Variants in IPO11 observed in about 807,000 individuals in gnomAD.
IPO11 encodes the protein importin-11.
Under a neutral mutation model 143.2 loss-of-function variants are expected in IPO11, and 66 were observed. The observed-to-expected ratio is 0.46, with a 90% confidence interval of 0.38 to 0.57. IPO11 has a LOEUF of 0.57. IPO11 is among the 20% of genes least tolerant of loss of function. The pLI, the probability that IPO11 is intolerant of heterozygous loss-of-function variation, is 0.00. For missense variants in IPO11, 1,026 were observed against 1,141.0 expected (o/e 0.90, Z 1.45); for synonymous variants, 385 against 377.8 (o/e 1.02, Z -0.22).
chr5:62,421,416 G>A (rs2112097047), intron 1 of IPO11, among the ~76,000 whole-genome samples: 1 of 152,230 alleles, frequency 6.6e-6, no homozygotes, highest in Non-Finnish European at 1.5e-5. Flanking sequence ...ATGTATTTTT[G>A]TTCTTTCTCA....
chr5:62,583,627 A>G (rs1042403127), intron 27 of IPO11, among the ~76,000 whole-genome samples: 7 of 152,150 alleles, frequency 4.6e-5, no homozygotes, highest in African/African-American at 1.7e-4. Flanking sequence ...TTACTAATCA[A>G]AAGAGAGCTG....
intron 29 of IPO11, among the ~76,000 whole-genome samples, chr5:62,605,448 C>G (rs1009684147): frequency 4.6e-5 from 7 of 152,146 alleles, no homozygotes; most frequent in Non-Finnish European, 8.8e-5. Context: ...CTCTACCTTT[C>G]ATTTCGGTGA....
intron 27 of IPO11, among the ~76,000 whole-genome samples, chr5:62,576,856 C>G (rs1014615542): frequency 6.6e-5 from 10 of 152,196 alleles, no homozygotes; most frequent in African/African-American, 2.4e-4. Context: ...GTTATTTATA[C>G]ATTCTTGTTT....
intron 27 of IPO11, among the ~76,000 whole-genome samples, chr5:62,566,538 A>C (rs970610519): frequency 3.3e-5 from 5 of 151,708 alleles, no homozygotes; most frequent in Non-Finnish European, 2.9e-5. Context: ...TTTGAGACCA[A>C]CCCGGGCAAC....
At chr5:62,586,776 T>C (rs1404927563) in intron 27 of IPO11, among the ~76,000 whole-genome samples, 1 of 129,514 alleles carries the variant, frequency 7.7e-6, no homozygotes, top group African/African-American at 3.0e-5. Context: ...AAAATATATA[T>C]ATATATATAT....
chr5:62,479,678 C>T (rs191527248), intron 9 of IPO11, among the ~76,000 whole-genome samples: 1 of 152,338 alleles, frequency 6.6e-6, no homozygotes, highest in African/African-American at 2.4e-5. Flanking sequence ...TTGCATCTCT[C>T]TGATAGCCAG....
chr5:62,618,489 A>G (rs1746222997), intron 29 of IPO11, among the ~76,000 whole-genome samples: 1 of 152,204 alleles, frequency 6.6e-6, no homozygotes, highest in African/African-American at 2.4e-5. Context: ...AAGTACTAAA[A>G]TTGATGAATA....
chr5:62,579,413 T>C, intron 27 of IPO11: 5 of 1,549,570 alleles, frequency 3.2e-6, no homozygotes, highest in Non-Finnish European at 4.4e-6. Flanking sequence ...AATTCTGATC[T>C]GAACAGAAAA....
intron 1 of IPO11, among the ~76,000 whole-genome samples, chr5:62,428,437 G>A (rs893861279): frequency 6.6e-6 from 1 of 151,986 alleles, no homozygotes; most frequent in Admixed American, 6.6e-5. Context: ...TCCGCCTCCC[G>A]GGTTCATGGG....
At chr5:62,612,309 G>A (rs1745951963) in intron 29 of IPO11, among the ~76,000 whole-genome samples, 1 of 152,152 alleles carries the variant, frequency 6.6e-6, no homozygotes, top group African/African-American at 2.4e-5. Flanking sequence ...GACAGAGAAT[G>A]GGGGTCTATT....
At chr5:62,543,093 T>C (rs142331689) in intron 24 of IPO11, among the ~76,000 whole-genome samples, 503 of 93,322 alleles carry the variant, frequency 5.4e-3, no homozygotes, top group Non-Finnish European at 8.0e-3. Flanking sequence ...TGAATAATTT[T>C]TTCAAGGCCA....
intron 27 of IPO11, among the ~76,000 whole-genome samples, chr5:62,566,730 T>C (rs1743951679): frequency 6.9e-6 from 1 of 145,564 alleles, no homozygotes; most frequent in Non-Finnish European, 1.5e-5. Context: ...ACAGTAAGAC[T>C]CTGTCTCAAA....
At chr5:62,483,415 T>G in intron 10 of IPO11, 122 bp downstream of exon 10, 1 of 645,602 alleles carries the variant, frequency 1.5e-6, no homozygotes, top group East Asian at 2.9e-5. Context: ...TGCTGGGACA[T>G]GAAAAAGATA....
chr5:62,517,038 A>T (rs1429586437), intron 20 of IPO11, among the ~76,000 whole-genome samples: 1 of 152,010 alleles, frequency 6.6e-6, no homozygotes, highest in Non-Finnish European at 1.5e-5. Context: ...CTCTACTAAA[A>T]ATACAAAAAA....
chr5:62,623,607 T>C (rs1746449641), intron 29 of IPO11, among the ~76,000 whole-genome samples: 1 of 151,800 alleles, frequency 6.6e-6, no homozygotes, highest in African/African-American at 2.4e-5. Flanking sequence ...GCTGGCTGGC[T>C]ATTTCTATGG....
intron 19 of IPO11, among the ~76,000 whole-genome samples, chr5:62,513,540 G>C (rs1263924702): frequency 6.8e-6 from 1 of 147,264 alleles, no homozygotes; most frequent in Non-Finnish European, 1.5e-5. Context: ...CGGGCGGGGG[G>C]CTGAGCCCCC....
Position 62,458,979 on chromosome 5 carries a change from C to T in IPO11, c.516+7046C>T, listed in dbSNP as rs12517655. Among the ~76,000 whole-genome samples the T allele has an allele frequency of 7.4e-3, 1,127 of 152,314 alleles. 18 individuals are homozygous for T. The highest frequency in any genetic ancestry group is 0.036 in the Admixed American group (548 of 15,294). On this transcript the variant is annotated intron_variant, in intron 5 of 29. Transcript: ENST00000325324. ...CAGTGCTGATTTATACCTTACCCATCCATCTATTTATCTGACAAATATTTG... is the reference window on the plus strand; with the variant it reads ...CAGTGCTGATTTATACCTTACCCATTCATCTATTTATCTGACAAATATTTG...
chr5:62,606,856 C>G (rs1745738071), intron 29 of IPO11, among the ~76,000 whole-genome samples: 1 of 152,208 alleles, frequency 6.6e-6, no homozygotes, highest in South Asian at 2.1e-4. Context: ...GCATCATAGT[C>G]TTTTGCCTAG....
rs191191018 is a variant in IPO11, at chr5:62,461,066, A to G, written c.517-6065A>G. The stretch of plus-strand genomic sequence containing the variant: ...GAAAGGTAAAGGGCTGAAAGGTGTT[A>G]AAGAAAAACTTTTCAAACACTTGTA... On this transcript the variant is annotated intron_variant, in intron 5 of 29. Coordinates refer to ENST00000325324, the MANE Select transcript of IPO11 (RefSeq NM_016338.5). 4.3e-3 allele frequency among the ~76,000 whole-genome samples: 648 copies of G among 152,266 alleles called. 1 individual carries two copies. The highest frequency in any genetic ancestry group is 6.6e-3 in the Non-Finnish European group (451 of 68,036).
Sources: allele counts gnomAD v4.1 joint callset (sites outside exome capture counted in the v4.1 genomes callset), GRCh38; gene constraint gnomAD v4.1.1; transcripts MANE v1.5; gene names NCBI Gene and HGNC (gene_info 2026-07-23, HGNC 2026-07-21).